Variants in TNS4 observed in about 807,000 individuals in gnomAD.
The protein encoded by TNS4 is tensin-4.
In TNS4, 46 loss-of-function variants were observed where a neutral mutation model predicts 70.4. The ratio of observed to expected loss-of-function variants is 0.65; its 90% confidence interval spans 0.52 to 0.84. The LOEUF is 0.84. Among genes scored for constraint, TNS4 ranks in the 40% least tolerant of loss-of-function variants. TNS4 has a pLI of 0.00. For missense variants in TNS4, 863 were observed against 907.0 expected (o/e 0.95, Z 0.62); for synonymous variants, 390 against 366.6 (o/e 1.06, Z -0.73).
Position 40,478,593 on chromosome 17 carries a change from G to C in TNS4, c.1966C>G (p.Pro656Ala). ...CCTTGAACTTACTTCCGTTGCTCAGGGTCCATACCACAGAAGCGGAGGGTG... is the reference window on the plus strand; with the variant it reads ...CCTTGAACTTACTTCCGTTGCTCAGCGTCCATACCACAGAAGCGGAGGGTG... ...LTTLRFCGMD[P>A]EQRKWQKYCK... The change falls in exon 11 of 13, where the codon CCT becomes GCT. Residue 656 changes from proline to alanine, a missense_variant. By Grantham distance (27) the Pro-to-Ala change is conservative. Coordinates refer to ENST00000254051, the MANE Select transcript of TNS4 (RefSeq NM_032865.6). 2 of 1,614,172 alleles carry C rather than the reference G, an allele frequency of 1.2e-6. No homozygotes were observed. The highest frequency in any genetic ancestry group is 1.3e-5 in the African/African-American group (1 of 75,066).
Position 40,476,369 on chromosome 17 carries a change from C to CGTGTGTGTGTGTGTGTGT in TNS4, c.*1201_*1218dup, listed in dbSNP as rs530846988. ...TTGAAGCCACATAGCAGTAGAGGGG[C>CGTGTGTGTGTGTGTGTGT]GTGTGTGTGTGTGTGTGTGTGTGTG... On this transcript the variant is annotated 3_prime_UTR_variant, in exon 13 of 13. Coordinates refer to ENST00000254051, the MANE Select transcript of TNS4 (RefSeq NM_032865.6). The CGTGTGTGTGTGTGTGTGT allele has an allele frequency of 2.7e-4, 25 of 92,908 alleles. 1 individual carries two copies. The Admixed American group carries it at 2.7e-3, about 10-fold the overall frequency. 5.8% of individuals were successfully genotyped at this position (92,908 alleles called of 1,614,324 possible).
At chr17:40,496,725 G>A (rs956822562) in intron 1 of TNS4, among the ~76,000 whole-genome samples, 4 of 152,302 alleles carry the variant, frequency 2.6e-5, no homozygotes, top group South Asian at 2.1e-4. Context: ...CAGTTCCCTC[G>A]TCTATAAAAC....
At chr17:40,492,167 G>A (rs1431215632) in intron 2 of TNS4, among the ~76,000 whole-genome samples, 2 of 152,188 alleles carry the variant, frequency 1.3e-5, no homozygotes, top group Admixed American at 1.3e-4. Context: ...ATGCCCCAGA[G>A]GGCAGAAGAC....
intron 2 of TNS4, among the ~76,000 whole-genome samples, chr17:40,490,574 GC>G (rs2036056176): frequency 6.6e-6 from 1 of 152,162 alleles, no homozygotes; most frequent in South Asian, 2.1e-4. Flanking sequence ...GCCTGCCCCA[GC>G]CCGCTCCTGG....
In TNS4 at chr17:40,484,535, C is replaced by A. The variant is rs542606977; in HGVS notation, c.1450G>T (p.Gly484Cys). The A allele has an allele frequency of 9.9e-6, 16 of 1,612,684 alleles. No individual in the cohort carries two copies. Among genetic ancestry groups the A allele is most frequent in the Non-Finnish European group, 1.4e-5 (16 of 1,180,004 alleles). Reference sequence around the variant, plus strand: ...ACCTCCTGCACCTTCAGGGCCAGGCCGAAGGAGCCTCGGTATGAAGAGCTG... The same window carrying A: ...ACCTCCTGCACCTTCAGGGCCAGGCAGAAGGAGCCTCGGTATGAAGAGCTG... ...RDSSSYRGSF[G>C]LALKVQEVPA... The change falls in exon 6 of 13, where the codon GGC (glycine) becomes TGC (cysteine). Residue 484 changes from glycine (G) to cysteine (C), a missense_variant. Transcript: ENST00000254051.
chr17:40,489,067 CT>C, intron 2 of TNS4, 98 bp from the exon 3 acceptor site: 2 of 1,226,810 alleles, frequency 1.6e-6, no homozygotes, highest in Non-Finnish European at 1.1e-6. Flanking sequence ...TGTCCCCCCT[CT>C]TTTATAGAGA....
intron 9 of TNS4, chr17:40,480,156 C>T: frequency 2.8e-6 from 1 of 361,308 alleles, no homozygotes; most frequent in Non-Finnish European, 5.0e-6. Context: ...CTGCTCTCCT[C>T]CCCACACCTC....
intron 2 of TNS4, among the ~76,000 whole-genome samples, chr17:40,489,322 CT>C (rs909161060): frequency 2.6e-5 from 4 of 152,158 alleles, no homozygotes; most frequent in Non-Finnish European, 5.9e-5. Context: ...TGCATTCAGC[CT>C]TTTGGTGATA....
At chr17:40,480,953 ATGCTTAGT>A in intron 8 of TNS4, 185 bp from the exon 9 acceptor site, 1 of 636,376 alleles carries the variant, frequency 1.6e-6, no homozygotes, top group Non-Finnish European at 2.7e-6. Flanking sequence ...GGCTCCCTAA[ATGCTTAGT>A]TTGCAACCCT....
rs563229273 is a variant in TNS4, at chr17:40,481,782, A to T, written c.1672+347T>A. Among the ~76,000 whole-genome samples, 10 of 152,006 alleles carry T rather than the reference A, an allele frequency of 6.6e-5. No individual in the cohort carries two copies. In the East Asian group the frequency reaches 9.7e-4, roughly 15 times the overall value. ...CAAATGCTGGACCTGGAAAGAGAAA[A>T]CCTCTCCAAACTATTTGATTTAGGC... On this transcript the variant is annotated intron_variant, in intron 8 of 12. Transcript: ENST00000254051.
chr17:40,478,503 C>G, intron 11 of TNS4, 77 bp downstream of exon 11: 2 of 1,588,134 alleles, frequency 1.3e-6, no homozygotes, highest in Middle Eastern at 1.7e-4. Flanking sequence ...GGATCCCAGG[C>G]CCAGAGTCGG....
chr17:40,496,232 C>A lies in TNS4; in HGVS notation c.194G>T (p.Arg65Leu). The A allele has an allele frequency of 6.3e-7, 1 of 1,594,404 alleles. No individual in the cohort carries two copies. The highest frequency in any genetic ancestry group is 2.2e-5 in the East Asian group (1 of 44,722). Residue 65 changes from arginine to leucine, a missense_variant, in exon 2 of 13, where the codon CGA (arginine) becomes CTA (leucine). Arg to Leu is a moderately radical substitution (Grantham distance 102). Transcript: ENST00000254051. ...CTCCACCTGTGGGGCTTGCTGGAGT[C>A]GGCCAGGGGGCCCCATGCAGGGCAC... ...APVPCMGPPGRLQQAPQVEAK... is the reference protein window; with the variant it reads ...APVPCMGPPGLLQQAPQVEAK...
At chr17:40,495,965 G>C (rs749422850) in intron 2 of TNS4, 22 bp downstream of exon 2, 3 of 1,589,782 alleles carry the variant, frequency 1.9e-6, no homozygotes, top group African/African-American at 2.7e-5. Flanking sequence ...CCCCCTCCTG[G>C]TACTGTGCCC....
Position 40,496,005 on chromosome 17 carries a change from CCTT to C in TNS4, c.418_420del (p.Lys140del), listed in dbSNP as rs748879755. 1.1e-5 allele frequency: 17 copies of C among 1,611,604 alleles called. No homozygotes were observed. The highest frequency in any genetic ancestry group is 1.3e-5 in the African/African-American group (1 of 74,896). On this transcript the variant is annotated inframe_deletion, in exon 2 of 13. Transcript: ENST00000254051. ...TCCTTACCCAAGGCTTCAGATTCCT[CCTT>C]CTTTCTCATTGACATGGTGCTCTGG... is the stretch of plus-strand genomic sequence containing the variant.
chr17:40,496,429 G>A lies in TNS4; in HGVS notation c.-4C>T. 1 of 1,610,418 alleles carries A rather than the reference G, an allele frequency of 6.2e-7. No individual in the cohort carries two copies. Among genetic ancestry groups the A allele is most frequent in the Non-Finnish European group, 8.5e-7 (1 of 1,179,410 alleles). On this transcript the variant is annotated 5_prime_UTR_variant, in exon 2 of 13. Transcript: ENST00000254051. ...GGCTGGACATCACCTGGGACATGGT[G>A]GGGGTGGTGACCTCTGCAGTTTACC...
In TNS4 at chr17:40,487,084, T is replaced by A; in HGVS notation, c.1240A>T (p.Ser414Cys). 1 of 1,614,218 alleles carries A rather than the reference T, an allele frequency of 6.2e-7. No homozygotes were observed. The highest frequency in any genetic ancestry group is 1.3e-5 in the African/African-American group (1 of 75,066). The change falls in exon 4 of 13, where the codon AGC (serine) becomes TGC (cysteine). Residue 414 changes from serine to cysteine, a missense_variant. Ser to Cys is a moderately radical substitution (Grantham distance 112, BLOSUM62 -1). Transcript: ENST00000254051. Reference protein sequence around the residue: ...SPSNPCPATRSNSQTLSDAPF... With the variant: ...SPSNPCPATRCNSQTLSDAPF... ...GCATCTGACAGGGTCTGGCTGTTGC[T>A]CCTGGTGGCTGGACAGGGGTTGCTG... is the stretch of plus-strand genomic sequence containing the variant.
At chr17:40,497,058 AC>A (rs1479917493) in intron 1 of TNS4, among the ~76,000 whole-genome samples, 1 of 152,160 alleles carries the variant, frequency 6.6e-6, no homozygotes, top group African/African-American at 2.4e-5. Context: ...GTAGAGAAGG[AC>A]TGGGCCCTCG....
At chr17:40,498,436 C>T (rs2036171646) in intron 1 of TNS4, among the ~76,000 whole-genome samples, 1 of 152,186 alleles carries the variant, frequency 6.6e-6, no homozygotes, top group East Asian at 1.9e-4. Flanking sequence ...AGTATAACAG[C>T]CTCATAATAG....
chr17:40,495,956 C>A, intron 2 of TNS4, 31 bp downstream of exon 2: 1 of 1,571,590 alleles, frequency 6.4e-7, no homozygotes, highest in African/African-American at 1.4e-5. Flanking sequence ...GCACCAAGCC[C>A]CCCTCCTGGT....
Sources: allele counts gnomAD v4.1 joint callset (sites outside exome capture counted in the v4.1 genomes callset), GRCh38; gene constraint gnomAD v4.1.1; transcripts MANE v1.5; gene names NCBI Gene and HGNC (gene_info 2026-07-23, HGNC 2026-07-21).